Variants in SPINK5 observed in about 807,000 individuals in gnomAD.
SPINK5 encodes serine protease inhibitor Kazal-type 5.
SPINK5 carries 125 observed loss-of-function variants against 151.8 expected under a neutral mutation model. The ratio of observed to expected loss-of-function variants is 0.82; its 90% confidence interval spans 0.71 to 0.96. The LOEUF (loss-of-function observed/expected upper bound fraction) is 0.96, where lower values mean the gene tolerates loss of function less well. Among genes scored for constraint, SPINK5 ranks in the 40% least tolerant of loss-of-function variants. SPINK5 has a pLI of 0.00. For missense variants in SPINK5, 1,194 were observed against 1,291.9 expected (o/e 0.92, Z 1.16); for synonymous variants, 374 against 395.3 (o/e 0.95, Z 0.64).
At chr5:148,116,805 G>T (rs2113179288) in intron 22 of SPINK5, among the ~76,000 whole-genome samples, 1 of 152,226 alleles carries the variant, frequency 6.6e-6, no homozygotes, top group African/African-American at 2.4e-5. Flanking sequence ...CTTGGACAGA[G>T]CCACTTTTTT....
At chr5:148,098,029 G>A in intron 11 of SPINK5, 35 bp downstream of exon 11, 1 of 1,597,806 alleles carries the variant, frequency 6.3e-7, no homozygotes. Flanking sequence ...AAAGAAAGAA[G>A]GGATCTTGCA....
At position 148,114,355 on chromosome 5, in the gene SPINK5, CT is replaced by C. The variant is rs1754028290; in HGVS notation, c.1888-3del. The C allele has an allele frequency of 1.2e-6, 2 of 1,608,342 alleles. No individual in the cohort carries two copies. The highest frequency in any genetic ancestry group is 2.7e-5 in the African/African-American group (2 of 74,148). On this transcript the variant is annotated splice_region_variant and splice_polypyrimidine_tract_variant and intron_variant, in intron 20 of 32. Transcript: ENST00000256084. ...ACTCAAGCTTTCTCCTTTTCTTTTC[CT>C]TTTAGGAGACATGCGATGAATTTCG...
chr5:148,107,523 A>G (rs1439808569), intron 17 of SPINK5, among the ~76,000 whole-genome samples: 3 of 152,138 alleles, frequency 2.0e-5, no homozygotes, highest in Non-Finnish European at 4.4e-5. Context: ...GTCTATTCAG[A>G]TAGGAGCTAA....
intron 14 of SPINK5, 146 bp downstream of exon 14, chr5:148,101,582 C>T: frequency 2.0e-6 from 2 of 998,628 alleles, no homozygotes; most frequent in Middle Eastern, 2.1e-4. Flanking sequence ...TGCAGTTATA[C>T]ATGTGCATAT....
intron 6 of SPINK5, chr5:148,088,920 TAAA>T (rs1753233256): frequency 4.2e-6 from 2 of 471,568 alleles, no homozygotes; most frequent in Non-Finnish European, 8.0e-6. Context: ...TAGCCTGCGT[TAAA>T]ACCCCAGCAG....
chr5:148,120,288 C>A lies in SPINK5; in HGVS notation c.2442-7C>A. The A allele has an allele frequency of 6.2e-7, 1 of 1,605,606 alleles. No homozygotes were observed. Among genetic ancestry groups the A allele is most frequent in the South Asian group, 1.1e-5 (1 of 89,968 alleles). On this transcript the variant is annotated splice_polypyrimidine_tract_variant and splice_region_variant and intron_variant, in intron 25 of 32. Coordinates refer to ENST00000256084, the MANE Select transcript of SPINK5 (RefSeq NM_006846.4). ...TTGATTGAAATGTTTCATTGTTTTC[C>A]CCCCAGGGAAAGGGAAGCAGCTGAA...
chr5:148,066,231 T>A (rs1182843204), intron 2 of SPINK5, among the ~76,000 whole-genome samples: 1 of 152,150 alleles, frequency 6.6e-6, no homozygotes, highest in Non-Finnish European at 1.5e-5. Flanking sequence ...TTTGATAAAT[T>A]AAAAAATCAT....
At position 148,126,814 on chromosome 5, in the gene SPINK5, A is replaced by G. The variant is rs11168029; in HGVS notation, c.2868-169A>G. On this transcript the variant is annotated intron_variant, in intron 29 of 32. Coordinates refer to ENST00000256084, the MANE Select transcript of SPINK5 (RefSeq NM_006846.4). ...ACCATGTTGGCCAGGCTGGTCTCCA[A>G]CTCCTGACCTCAGGTGATTCGCCAG... Among the ~76,000 whole-genome samples the G allele has an allele frequency of 0.56, 85,311 of 151,740 alleles. 24,677 individuals carry two copies. Among genetic ancestry groups the G allele is most frequent in the Admixed American group, 0.65 (9,897 of 15,260 alleles).
Position 148,119,044 on chromosome 5 carries a change from T to C in SPINK5, c.2299T>C (p.Ser767Pro). 6.2e-7 allele frequency: 1 copy of C among 1,613,944 alleles called. No homozygotes were observed. Among genetic ancestry groups the C allele is most frequent in the Non-Finnish European group, 8.5e-7 (1 of 1,179,904 alleles). The change falls in exon 24 of 33, where the codon TCA becomes CCA. Residue 767 changes from serine (S) to proline (P), a missense_variant. Physicochemically the swap from Ser to Pro is moderately conservative, Grantham distance 74. Coordinates refer to ENST00000256084, the MANE Select transcript of SPINK5 (RefSeq NM_006846.4). ...TCGCTCCAGATCAAATGGGACTGGA[T>C]CAGAATCAGGGAAGGTGAGTTATTT... The part of the protein sequence containing the change: ...YSRSRSNGTG[S>P]ESGKDTCDEF...
intron 2 of SPINK5, among the ~76,000 whole-genome samples, chr5:148,067,194 T>A (rs1346326317): frequency 6.6e-6 from 1 of 152,204 alleles, no homozygotes; most frequent in East Asian, 1.9e-4. Context: ...AACACTGAGA[T>A]AGGGCAATGG....
intron 5 of SPINK5, among the ~76,000 whole-genome samples, chr5:148,088,050 T>C (rs1007143029): frequency 6.6e-6 from 1 of 151,854 alleles, no homozygotes; most frequent in African/African-American, 2.4e-5. Flanking sequence ...TTTTCAGATA[T>C]ACTTTAAAGG....
chr5:148,065,932 T>G (rs1752572657), intron 2 of SPINK5, among the ~76,000 whole-genome samples: 1 of 152,040 alleles, frequency 6.6e-6, no homozygotes. Context: ...AACAGACAAA[T>G]TAATAAGTAG....
rs192680186 is a variant in SPINK5, at chr5:148,064,171, C to T, written c.55+72C>T. 3 of 1,536,252 alleles carry T rather than the reference C, an allele frequency of 2.0e-6. No homozygotes were observed. The East Asian group carries it at 6.7e-5, about 34-fold the overall frequency. ...GCCCTGGGGAAGGGACTTTTCTCCC[C>T]CTACTCCTGCCAAAAAATGTTTACG... On this transcript the variant is annotated intron_variant, in intron 1 of 32. Coordinates refer to ENST00000256084, the MANE Select transcript of SPINK5 (RefSeq NM_006846.4).
chr5:148,108,700 A>T, intron 17 of SPINK5, 53 bp from the exon 18 acceptor site: 1 of 1,593,912 alleles, frequency 6.3e-7, no homozygotes. Context: ...AAAATGTACT[A>T]CCAAAAAGAG....
chr5:148,100,693 A>G, intron 13 of SPINK5, 112 bp downstream of exon 13: 2 of 1,243,720 alleles, frequency 1.6e-6, no homozygotes, highest in South Asian at 1.3e-5. Context: ...GAATTAAGGC[A>G]TATTTAGAGA....
At chr5:148,101,530 AAAC>A in intron 14 of SPINK5, 94 bp downstream of exon 14, 1 of 1,129,360 alleles carries the variant, frequency 8.9e-7, no homozygotes, top group Non-Finnish European at 1.3e-6. Context: ...AAACTGTATG[AAAC>A]AATTGTACAG....
rs553107767 is a variant in SPINK5, at chr5:148,127,078, T to C, written c.2963T>C (p.Leu988Pro). The C allele has an allele frequency of 6.8e-6, 11 of 1,609,208 alleles. No homozygotes were observed. In the Admixed American group the frequency reaches 1.2e-4, roughly 17 times the overall value. Reference sequence around the variant, plus strand: ...GACAGCCCAGACTCTTTCAGTTCTCTGGTAAGGAGGACTATTTCTGAAAAG... The same window carrying C: ...GACAGCCCAGACTCTTTCAGTTCTCCGGTAAGGAGGACTATTTCTGAAAAG... Reference protein sequence around the residue: ...EEDSPDSFSSLDSEMCKDYRV... With the variant: ...EEDSPDSFSSPDSEMCKDYRV... The change falls in exon 30 of 33, where the codon CTG becomes CCG. Residue 988 changes from leucine to proline, a missense_variant and splice_region_variant. Leu to Pro is a moderately conservative substitution (Grantham distance 98). Coordinates refer to ENST00000256084, the MANE Select transcript of SPINK5 (RefSeq NM_006846.4).
At chr5:148,079,961 A>T (rs1752977353) in intron 4 of SPINK5, among the ~76,000 whole-genome samples, 1 of 151,064 alleles carries the variant, frequency 6.6e-6, no homozygotes, top group African/African-American at 2.4e-5. Flanking sequence ...ATTGGAAATG[A>T]AGCAACTGTC....
intron 3 of SPINK5, among the ~76,000 whole-genome samples, chr5:148,071,471 C>T (rs908287455): frequency 2.0e-5 from 3 of 151,892 alleles, no homozygotes; most frequent in Non-Finnish European, 4.4e-5. Context: ...GAATGTAAAC[C>T]AGCAGGTATA....
Sources: allele counts gnomAD v4.1 joint callset (sites outside exome capture counted in the v4.1 genomes callset), GRCh38; gene constraint gnomAD v4.1.1; transcripts MANE v1.5; gene names NCBI Gene and HGNC (gene_info 2026-07-23, HGNC 2026-07-21).